SCAF8: variants seen among roughly 807,000 people sequenced by gnomAD.
The protein encoded by SCAF8 is SR-related and CTD-associated factor 8.
Under a neutral mutation model 140.5 loss-of-function variants are expected in SCAF8, and 23 were observed. That is an observed-to-expected ratio of 0.16 (90% CI 0.12 to 0.23). The LOEUF (loss-of-function observed/expected upper bound fraction) is 0.23, where lower values mean the gene tolerates loss of function less well. Ranked by LOEUF, SCAF8 falls within the 10% of genes least tolerant of loss-of-function variation. The pLI is 1.00. For missense variants in SCAF8, 1,397 were observed against 1,555.7 expected, an observed-to-expected ratio of 0.90 and a Z score of 1.72; for synonymous variants, 575 against 528.9, an observed-to-expected ratio of 1.09 and a Z score of -1.20.
intron 17 of SCAF8, among the ~76,000 whole-genome samples, chr6:154,825,596 C>T (rs1778542475): frequency 7.9e-6 from 1 of 126,710 alleles, no homozygotes; most frequent in African/African-American, 3.1e-5. Context: ...GTGGAGGCTA[C>T]AGTGAACTGT....
rs1021958505 is a variant in SCAF8 at position 154,755,887 on chromosome 6, G to A, written c.31-18102G>A. On this transcript the variant is annotated intron_variant, in intron 1 of 19. Coordinates refer to ENST00000367178, the MANE Select transcript of SCAF8 (RefSeq NM_014892.5). ...TCTAATGCATTTCCATTGGGAAATAGCCACCTCTTAGCTTTTTGTAAATCA... is the reference window on the plus strand; with the variant it reads ...TCTAATGCATTTCCATTGGGAAATAACCACCTCTTAGCTTTTTGTAAATCA... 4.6e-5 allele frequency among the ~76,000 whole-genome samples: 7 copies of A among 152,202 alleles called. No individual in the cohort carries two copies. In the East Asian group the frequency reaches 1.3e-3, roughly 29 times the overall value.
At chr6:154,754,995 C>T (rs1778929976) in intron 1 of SCAF8, among the ~76,000 whole-genome samples, 1 of 152,152 alleles carries the variant, frequency 6.6e-6, no homozygotes, top group Non-Finnish European at 1.5e-5. Flanking sequence ...TTCATAAATA[C>T]TCAAAGTTGA....
intron 1 of SCAF8, among the ~76,000 whole-genome samples, chr6:154,755,260 T>C (rs1778937102): frequency 1.3e-5 from 2 of 152,126 alleles, no homozygotes; most frequent in African/African-American, 2.4e-5. Context: ...TATTAGATTA[T>C]TATTATTTTT....
chr6:154,734,470 G>A lies in SCAF8; in HGVS notation c.30+540G>A, dbSNP rs79801576. Among the ~76,000 whole-genome samples, 198 of 152,296 alleles carry A rather than the reference G, an allele frequency of 1.3e-3. 3 individuals carry two copies. In the East Asian group the frequency reaches 0.036, roughly 28 times the overall value. On this transcript the variant is annotated intron_variant, in intron 1 of 19. Coordinates refer to ENST00000367178, the MANE Select transcript of SCAF8 (RefSeq NM_014892.5). Reference sequence around the variant, plus strand: ...TAGGTAATTTGCCAGCTAGGGACTTGAGCTAATTGGATGGTTGGTAGGCAG... The same window carrying A: ...TAGGTAATTTGCCAGCTAGGGACTTAAGCTAATTGGATGGTTGGTAGGCAG...
chr6:154,763,611 A>C (rs1165648006), intron 1 of SCAF8, among the ~76,000 whole-genome samples: 2 of 152,180 alleles, frequency 1.3e-5, no homozygotes, highest in East Asian at 3.8e-4. Flanking sequence ...GAATACACTT[A>C]CTTGAAATAA....
chr6:154,760,593 T>C (rs1009095969), intron 1 of SCAF8, among the ~76,000 whole-genome samples: 3 of 152,200 alleles, frequency 2.0e-5, no homozygotes, highest in Non-Finnish European at 2.9e-5. Flanking sequence ...ATTAGTTTAG[T>C]AGAATATTGT....
At chr6:154,802,377 T>C (rs1030287035) in intron 7 of SCAF8, among the ~76,000 whole-genome samples, 3 of 152,076 alleles carry the variant, frequency 2.0e-5, no homozygotes, top group Admixed American at 6.6e-5. Flanking sequence ...CCCAGCACTT[T>C]GGGGGAGCGC....
intron 17 of SCAF8, among the ~76,000 whole-genome samples, 167 bp downstream of exon 17, chr6:154,824,545 G>C (rs1778509198): frequency 6.6e-6 from 1 of 152,186 alleles, no homozygotes; most frequent in Admixed American, 6.5e-5. Context: ...GCTTTACTCA[G>C]TCTGTGGTAG....
chr6:154,737,109 T>C (rs377617146), intron 1 of SCAF8, among the ~76,000 whole-genome samples: 39 of 152,368 alleles, frequency 2.6e-4, no homozygotes, highest in African/African-American at 9.1e-4. Flanking sequence ...TCAGTAATGA[T>C]TGTTTTCCAT....
chr6:154,813,978 C>G (rs1778173001), intron 12 of SCAF8, among the ~76,000 whole-genome samples: 1 of 152,180 alleles, frequency 6.6e-6, no homozygotes, highest in African/African-American at 2.4e-5. Context: ...AGTAGATCTT[C>G]AGAACTATAA....
intron 6 of SCAF8, among the ~76,000 whole-genome samples, chr6:154,800,142 C>T (rs773869684): frequency 6.6e-6 from 1 of 151,320 alleles, no homozygotes; most frequent in Non-Finnish European, 1.5e-5. Flanking sequence ...CTCCCGTTCT[C>T]TCTCGCCTCT....
At chr6:154,759,832 A>C (rs938335910) in intron 1 of SCAF8, among the ~76,000 whole-genome samples, 5 of 151,758 alleles carry the variant, frequency 3.3e-5, no homozygotes, top group African/African-American at 7.3e-5. Flanking sequence ...CGCCCGGCTA[A>C]TTTTTTTGTA....
At chr6:154,739,933 C>G in intron 1 of SCAF8, among the ~76,000 whole-genome samples, 1 of 151,910 alleles carries the variant, frequency 6.6e-6, no homozygotes, top group East Asian at 1.9e-4. Flanking sequence ...GTTTATTTTT[C>G]CTTTGTTGAT....
chr6:154,750,134 A>AT (rs753794419), intron 1 of SCAF8, among the ~76,000 whole-genome samples: 20 of 148,642 alleles, frequency 1.3e-4, no homozygotes, highest in South Asian at 2.1e-4. Flanking sequence ...TGGATGGGGG[A>AT]TTTTTTTTCT....
chr6:154,791,540 G>A (rs1489240638), intron 4 of SCAF8, among the ~76,000 whole-genome samples: 2 of 152,110 alleles, frequency 1.3e-5, no homozygotes, highest in African/African-American at 4.8e-5. Context: ...ATACTAGCTG[G>A]CTTAAACAGT....
intron 6 of SCAF8, among the ~76,000 whole-genome samples, chr6:154,795,534 A>G (rs530267377): frequency 1.3e-5 from 2 of 152,194 alleles, no homozygotes; most frequent in Non-Finnish European, 2.9e-5. Context: ...GGGTAAATCT[A>G]TAGTGACTAG....
At chr6:154,803,013 G>T (rs1039059080) in intron 7 of SCAF8, among the ~76,000 whole-genome samples, 3 of 152,056 alleles carry the variant, frequency 2.0e-5, no homozygotes, top group South Asian at 2.1e-4. Context: ...TGGAAGTGGT[G>T]TTCATATTTT....
chr6:154,819,082 A>AG (rs1446738848), intron 14 of SCAF8, among the ~76,000 whole-genome samples: 6 of 110,768 alleles, frequency 5.4e-5, no homozygotes, highest in Non-Finnish European at 1.1e-4. Flanking sequence ...TTATACTGAG[A>AG]GTTTTTTTAA....
chr6:154,803,768 T>G (rs1229964170), intron 8 of SCAF8, 145 bp downstream of exon 8: 14 of 603,274 alleles, frequency 2.3e-5, no homozygotes, highest in Non-Finnish European at 4.1e-5. Flanking sequence ...GAGATATGTC[T>G]TGTTGTCTCT....
Sources: allele counts gnomAD v4.1 joint callset (sites outside exome capture counted in the v4.1 genomes callset), GRCh38; gene constraint gnomAD v4.1.1; transcripts MANE v1.5; gene names NCBI Gene and HGNC (gene_info 2026-07-23, HGNC 2026-07-21).